Variants in SLC10A7 observed in about 807,000 individuals in gnomAD.
SLC10A7 encodes the protein sodium/bile acid cotransporter 7.
In SLC10A7, 29 loss-of-function variants were observed where a neutral mutation model predicts 43.2. The observed-to-expected ratio is 0.67, with a 90% CI of 0.50 to 0.92. SLC10A7 has a LOEUF of 0.92. Ranked by LOEUF, SLC10A7 falls within the 40% of genes least tolerant of loss-of-function variation. The probability of loss-of-function intolerance (pLI) is 0.00; values close to 1 mark genes in which losing one functional copy is unlikely to be tolerated. For missense variants in SLC10A7, 295 were observed against 403.2 expected (o/e 0.73, Z 2.30); for synonymous variants, 152 against 144.8 (o/e 1.05, Z -0.35).
intron 5 of SLC10A7, among the ~76,000 whole-genome samples, chr4:146,369,322 A>C (rs1035943008): frequency 6.6e-6 from 1 of 152,200 alleles, no homozygotes; most frequent in Non-Finnish European, 1.5e-5. Flanking sequence ...GGATTAAATA[A>C]ATTTATACAT....
intron 4 of SLC10A7, among the ~76,000 whole-genome samples, chr4:146,484,311 A>C (rs1734736633): frequency 6.6e-6 from 1 of 152,200 alleles, no homozygotes; most frequent in African/African-American, 2.4e-5. Flanking sequence ...CTATGATGCC[A>C]ACACTGCACT....
At chr4:146,297,407 G>A (rs1326458598) in intron 7 of SLC10A7, among the ~76,000 whole-genome samples, 2 of 152,124 alleles carry the variant, frequency 1.3e-5, no homozygotes, top group African/African-American at 4.8e-5. Flanking sequence ...TTGGAAACCT[G>A]TAAAAATGAC....
At chr4:146,341,912 A>T (rs1734289202) in intron 5 of SLC10A7, among the ~76,000 whole-genome samples, 1 of 151,790 alleles carries the variant, frequency 6.6e-6, no homozygotes, top group African/African-American at 2.4e-5. Flanking sequence ...GTTATACATG[A>T]ATCTCATTAG....
intron 4 of SLC10A7, among the ~76,000 whole-genome samples, chr4:146,492,349 G>T (rs2150008278): frequency 6.6e-6 from 1 of 152,072 alleles, no homozygotes; most frequent in African/African-American, 2.4e-5. Flanking sequence ...CCTATACAAT[G>T]TCCATGTTTC....
At chr4:146,339,457 G>T (rs1176842849) in intron 5 of SLC10A7, among the ~76,000 whole-genome samples, 1 of 151,908 alleles carries the variant, frequency 6.6e-6, no homozygotes, top group African/African-American at 2.4e-5. Context: ...AGCCATTCCT[G>T]CAGCTTAGAA....
chr4:146,503,282 C>G (rs1286956996), intron 4 of SLC10A7, among the ~76,000 whole-genome samples: 1 of 152,222 alleles, frequency 6.6e-6, no homozygotes, highest in Non-Finnish European at 1.5e-5. Context: ...TAGCACCTTT[C>G]AACCAAGGAA....
chr4:146,495,766 AACACACACACACACACAC>A lies in SLC10A7; in HGVS notation c.396+8065_396+8082del, dbSNP rs57202992. Reference sequence around the variant, plus strand: ...AGCACCAGCCCCGTTGATGAAAGTAAACACACACACACACACACACACACACACACACACACACACACA... The same window carrying A: ...AGCACCAGCCCCGTTGATGAAAGTAAACACACACACACACACACACACACA... On this transcript the variant is annotated intron_variant, in intron 4 of 11. Transcript: ENST00000335472. Among the ~76,000 whole-genome samples the A allele has an allele frequency of 1.2e-4, 17 of 139,540 alleles. No individual in the cohort carries two copies. In the South Asian group the frequency reaches 1.7e-3, roughly 14 times the overall value. 91.5% of individuals were successfully genotyped at this position (139,540 alleles called of 152,430 possible). A position where few individuals can be genotyped will look rare whatever the true frequency, so the allele number is the denominator to read the frequency against.
chr4:146,369,614 CA>C (rs1006337196), intron 5 of SLC10A7, among the ~76,000 whole-genome samples: 1 of 152,068 alleles, frequency 6.6e-6, no homozygotes, highest in African/African-American at 2.4e-5. Context: ...GGATCTCCAG[CA>C]GACAAATGAC....
intron 4 of SLC10A7, among the ~76,000 whole-genome samples, chr4:146,468,742 G>A (rs1733283520): frequency 1.3e-5 from 2 of 152,050 alleles, no homozygotes; most frequent in South Asian, 2.1e-4. Flanking sequence ...GATTACAGGC[G>A]TGAGCCACCG....
intron 4 of SLC10A7, among the ~76,000 whole-genome samples, chr4:146,446,443 G>T (rs868490285): frequency 1.3e-5 from 2 of 152,076 alleles, no homozygotes; most frequent in African/African-American, 4.8e-5. Flanking sequence ...AGGCATGGTG[G>T]CAGATGCCTG....
At chr4:146,462,730 C>G (rs1263887612) in intron 4 of SLC10A7, among the ~76,000 whole-genome samples, 2 of 152,102 alleles carry the variant, frequency 1.3e-5, no homozygotes, top group African/African-American at 4.8e-5. Flanking sequence ...AATAGCTGTA[C>G]CACCACAACT....
rs573636844 is a variant in SLC10A7, at chr4:146,443,382, A to G, written c.397-561T>C. ...GTAAAGAAAAGCAAGAAAAGCTCCA[A>G]TTTGGTGTTCAAAATTCAAAGAAAA... On this transcript the variant is annotated intron_variant, in intron 4 of 11. Coordinates refer to ENST00000335472, the MANE Select transcript of SLC10A7 (RefSeq NM_001029998.6). Among the ~76,000 whole-genome samples, 5 of 152,316 alleles carry G rather than the reference A, an allele frequency of 3.3e-5. No homozygotes were observed. The South Asian group carries it at 1.0e-3, about 32-fold the overall frequency.
At chr4:146,406,212 A>T (rs886715320) in intron 5 of SLC10A7, among the ~76,000 whole-genome samples, 7 of 152,198 alleles carry the variant, frequency 4.6e-5, no homozygotes, top group African/African-American at 1.2e-4. Context: ...AAACAAAATT[A>T]AAAAACCAAG....
intron 6 of SLC10A7, among the ~76,000 whole-genome samples, chr4:146,306,575 A>G (rs911145305): frequency 2.0e-5 from 3 of 152,278 alleles, no homozygotes; most frequent in African/African-American, 7.2e-5. Context: ...CTAAATTTGT[A>G]CGCTTTAACA....
Position 146,509,955 on chromosome 4 carries a change from T to C in SLC10A7, c.278A>G (p.Gln93Arg), listed in dbSNP as rs1440621217. Residue 93 changes from glutamine to arginine, a missense_variant, in exon 3 of 12, where the codon CAG (glutamine) becomes CGG (arginine). This residue lies in a region of SLC10A7 where 242 missense variants were observed against 362.5 expected (regional missense o/e 0.67). Transcript: ENST00000335472. ...FFPATIWLFL[Q>R]LLSITPINEW... ...GTTGATGGGTGTGATTGATAAAAGCTGAAGAAAAAGCCATATTGTTGCTGG... is the reference window on the plus strand; with the variant it reads ...GTTGATGGGTGTGATTGATAAAAGCCGAAGAAAAAGCCATATTGTTGCTGG... The C allele has an allele frequency of 6.2e-7, 1 of 1,613,720 alleles. No homozygotes were observed. The highest frequency in any genetic ancestry group is 2.2e-5 in the East Asian group (1 of 44,818).
At chr4:146,292,853 T>C in intron 9 of SLC10A7, 76 bp downstream of exon 9, 1 of 1,010,442 alleles carries the variant, frequency 9.9e-7, no homozygotes, top group Non-Finnish European at 1.5e-6. Flanking sequence ...TAAACGTGTA[T>C]AGTGGCATAG....
Position 146,442,814 on chromosome 4 carries a change from G to T in SLC10A7, c.404C>A (p.Ala135Glu). 1 of 1,589,258 alleles carries T rather than the reference G, an allele frequency of 6.3e-7. No homozygotes were observed. The highest frequency in any genetic ancestry group is 8.5e-7 in the Non-Finnish European group (1 of 1,170,588). ...TKAVGGNEAA[A>E]IFNSAFGSFL... ...ACTTCCAAAGGCTGAATTAAATATT[G>T]CAGCTGCCTATGAAGAAAATAAATA... The change falls in exon 5 of 12, where the codon GCA (alanine) becomes GAA (glutamate). Residue 135 changes from alanine to glutamate, a missense_variant. Ala to Glu is a moderately radical substitution (Grantham distance 107). This residue lies in a region of SLC10A7 where 242 missense variants were observed against 362.5 expected (regional missense o/e 0.67). Transcript: ENST00000335472.
rs1267490008 is a variant in SLC10A7 at position 146,355,974 on chromosome 4, G to A, written c.436-29978C>T. On this transcript the variant is annotated intron_variant, in intron 5 of 11. Coordinates refer to ENST00000335472, the MANE Select transcript of SLC10A7 (RefSeq NM_001029998.6). Reference sequence around the variant, plus strand: ...TTAGTGGGTGCAGCGCACCAGCATGGCACATGTATACATATGTAACTAACC... The same window carrying A: ...TTAGTGGGTGCAGCGCACCAGCATGACACATGTATACATATGTAACTAACC... Among the ~76,000 whole-genome samples, 4 of 149,914 alleles carry A rather than the reference G, an allele frequency of 2.7e-5. No individual in the cohort carries two copies. The South Asian group carries it at 8.4e-4, about 32-fold the overall frequency.
chr4:146,324,780 G>T (rs1732989173), intron 6 of SLC10A7, among the ~76,000 whole-genome samples: 1 of 152,128 alleles, frequency 6.6e-6, no homozygotes, highest in Non-Finnish European at 1.5e-5. Context: ...AATGCAAATA[G>T]TCTCTTTGGT....
Sources: allele counts gnomAD v4.1 joint callset (sites outside exome capture counted in the v4.1 genomes callset), GRCh38; gene constraint gnomAD v4.1.1; regional missense constraint gnomAD v4.1.1; transcripts MANE v1.5; gene names NCBI Gene and HGNC (gene_info 2026-07-23, HGNC 2026-07-21).